Variants in TRIQK observed in about 807,000 individuals in gnomAD.
TRIQK encodes triple QxxK/R motif containing, also known as triple QxxK/R motif-containing protein.
Under a neutral mutation model 10.8 loss-of-function variants are expected in TRIQK, and 10 were observed. The observed-to-expected ratio is 0.92, with a 90% CI of 0.57 to 1.57. TRIQK has a LOEUF of 1.57. Among genes scored for constraint, TRIQK ranks in the 40% most tolerant of loss-of-function variants. TRIQK has a pLI of 0.00. For missense variants in TRIQK, 107 were observed against 97.7 expected, an observed-to-expected ratio of 1.09 and a Z score of -0.40; for synonymous variants, 33 against 33.7, an observed-to-expected ratio of 0.98 and a Z score of 0.07.
rs546897176 is a variant in TRIQK, at chr8:92,884,170, G to A, written c.*2452C>T. 2.5e-4 allele frequency: 38 copies of A among 151,912 alleles called. No homozygotes were observed. Among genetic ancestry groups the A allele is most frequent in the African/African-American group, 8.9e-4 (37 of 41,498 alleles). The allele number at this position is 151,912 out of a possible 1,614,324, so 9.4% of individuals were successfully genotyped here. A position where few individuals can be genotyped will look rare whatever the true frequency, so the allele number is the denominator to read the frequency against. On this transcript the variant is annotated 3_prime_UTR_variant, in exon 5 of 5. Coordinates refer to ENST00000521988, the MANE Select transcript of TRIQK (RefSeq NM_001171797.2). ...ATACCCATGTCTAAAATTTGTGTCTGGTGCCAGTCTCAGATTTCTGCCAAA... is the reference window on the plus strand; with the variant it reads ...ATACCCATGTCTAAAATTTGTGTCTAGTGCCAGTCTCAGATTTCTGCCAAA...
At chr8:92,890,099 A>C (rs1469446248) in intron 4 of TRIQK, among the ~76,000 whole-genome samples, 1 of 151,776 alleles carries the variant, frequency 6.6e-6, no homozygotes, top group Non-Finnish European at 1.5e-5. Flanking sequence ...TCACTGGGGA[A>C]ATTAAAAAGC....
chr8:92,891,949 T>C (rs916723714), intron 4 of TRIQK, 40 bp downstream of exon 4: 5 of 1,364,826 alleles, frequency 3.7e-6, no homozygotes, highest in African/African-American at 1.5e-5. Context: ...TGAAATGGCA[T>C]GCACATATCA....
At chr8:93,003,166 A>AT (rs1813231465) in intron 1 of TRIQK, among the ~76,000 whole-genome samples, 2 of 152,224 alleles carry the variant, frequency 1.3e-5, no homozygotes, top group South Asian at 4.1e-4. Flanking sequence ...ACACTGCTAT[A>AT]AAGAACTACC....
At chr8:92,923,742 T>C (rs903849881) in intron 2 of TRIQK, among the ~76,000 whole-genome samples, 2 of 151,928 alleles carry the variant, frequency 1.3e-5, no homozygotes, top group African/African-American at 4.8e-5. Context: ...TTCTTGTTTT[T>C]AGTATGCTTT....
At chr8:93,003,566 C>T (rs113036843) in intron 1 of TRIQK, among the ~76,000 whole-genome samples, 2 of 152,068 alleles carry the variant, frequency 1.3e-5, no homozygotes, top group Admixed American at 6.6e-5. Flanking sequence ...ATCTCATATT[C>T]TTCTCACATT....
intron 2 of TRIQK, chr8:92,953,308 G>A (rs1272682840): frequency 6.6e-6 from 1 of 151,926 alleles, no homozygotes. Context: ...CAAGGGCCAG[G>A]GGCCACTCCG....
upstream of TRIQK, among the ~76,000 whole-genome samples, chr8:92,966,902 C>G (rs1406079903): frequency 7.0e-6 from 1 of 143,224 alleles, no homozygotes; most frequent in Non-Finnish European, 1.5e-5. Flanking sequence ...TTTTCTCTTG[C>G]TCACATAAAA....
chr8:92,935,950 C>T (rs1432318940), intron 2 of TRIQK, among the ~76,000 whole-genome samples: 1 of 151,290 alleles, frequency 6.6e-6, no homozygotes, highest in Non-Finnish European at 1.5e-5. Context: ...AAAAATCTAC[C>T]CTTAAAAAAT....
chr8:92,954,411 G>C lies in TRIQK; in HGVS notation c.-27C>G, dbSNP rs891679111. ...GTTAAATCAAATAAACACACCTTGCGTTGTGTCTTTGATGCTGCCAAGTCT... is the reference window on the plus strand; with the variant it reads ...GTTAAATCAAATAAACACACCTTGCCTTGTGTCTTTGATGCTGCCAAGTCT... On this transcript the variant is annotated 5_prime_UTR_variant, in exon 2 of 5. Coordinates refer to ENST00000521988, the MANE Select transcript of TRIQK (RefSeq NM_001171797.2). 6.6e-6 allele frequency: 1 copy of C among 151,902 alleles called. No individual in the cohort carries two copies. Among genetic ancestry groups the C allele is most frequent in the South Asian group, 2.1e-4 (1 of 4,830 alleles). 9.4% of individuals were successfully genotyped at this position (151,902 alleles called of 1,614,324 possible).
intron 2 of TRIQK, among the ~76,000 whole-genome samples, chr8:92,945,328 G>A (rs1390555991): frequency 6.6e-6 from 1 of 152,148 alleles, no homozygotes; most frequent in African/African-American, 2.4e-5. Context: ...CTGACACATG[G>A]AAGCTCAGTT....
intron 4 of TRIQK, among the ~76,000 whole-genome samples, chr8:92,891,035 GTGT>G (rs1226975413): frequency 1.3e-5 from 2 of 151,646 alleles, no homozygotes; most frequent in Non-Finnish European, 2.9e-5. Context: ...GGAAGAGATG[GTGT>G]TGTGCAAACA....
At chr8:92,960,361 C>T (rs920981962) in intron 1 of TRIQK, 4 of 152,156 alleles carry the variant, frequency 2.6e-5, no homozygotes, top group Non-Finnish European at 5.9e-5. Flanking sequence ...TCTACACCGA[C>T]TAAACTTTGT....
upstream of TRIQK, among the ~76,000 whole-genome samples, chr8:92,966,369 T>A (rs1251846277): frequency 6.6e-6 from 1 of 152,234 alleles, no homozygotes; most frequent in Non-Finnish European, 1.5e-5. Flanking sequence ...GAAAAATATG[T>A]TATTTTGATT....
chr8:92,898,297 A>C (rs1006788936), intron 3 of TRIQK, among the ~76,000 whole-genome samples: 1 of 152,084 alleles, frequency 6.6e-6, no homozygotes, highest in African/African-American at 2.4e-5. Context: ...CATATCTCCA[A>C]ATGAATTTTG....
upstream of TRIQK, chr8:92,966,293 C>T (rs1233659086): frequency 6.6e-6 from 1 of 152,236 alleles, no homozygotes; most frequent in Non-Finnish European, 1.5e-5. Context: ...GTTCTAATAC[C>T]TGTCTCACGA....
intron 1 of TRIQK, among the ~76,000 whole-genome samples, chr8:92,995,611 AT>A (rs1031258163): frequency 2.0e-5 from 3 of 151,078 alleles, no homozygotes; most frequent in Admixed American, 1.3e-4. Flanking sequence ...CCATTCACTG[AT>A]TTGGTTCACA....
At chr8:92,980,571 C>T (rs1016236792) in intron 1 of TRIQK, among the ~76,000 whole-genome samples, 1 of 151,976 alleles carries the variant, frequency 6.6e-6, no homozygotes, top group Non-Finnish European at 1.5e-5. Context: ...CCTGGTGCTG[C>T]TTCAGTTTCT....
intron 1 of TRIQK, chr8:92,972,925 G>A (rs1812889535): frequency 6.6e-6 from 1 of 152,210 alleles, no homozygotes; most frequent in Non-Finnish European, 1.5e-5. Context: ...TGTAAGTTCA[G>A]TCTAATGGGA....
intron 1 of TRIQK, among the ~76,000 whole-genome samples, chr8:93,003,112 A>ATC (rs1481616387): frequency 2.0e-5 from 3 of 152,096 alleles, no homozygotes; most frequent in Non-Finnish European, 4.4e-5. Context: ...TTAACATTAA[A>ATC]AAGACTATTT....
Sources: gnomAD v4.1 joint callset for allele counts (sites outside exome capture counted in the v4.1 genomes callset) on GRCh38, gnomAD v4.1.1 for gene constraint, MANE v1.5 for transcripts, NCBI Gene and HGNC (gene_info 2026-07-23, HGNC 2026-07-21) for gene names.